Variants in NFIL3 observed in about 807,000 individuals in gnomAD.
NFIL3 encodes the protein nuclear factor, interleukin 3 regulated.
Under a neutral mutation model 10.0 loss-of-function variants are expected in NFIL3, and 5 were observed. The observed-to-expected ratio is 0.50, with a 90% CI of 0.26 to 1.06. NFIL3 has a LOEUF of 1.06. NFIL3 is among the 50% of genes least tolerant of loss of function. The pLI is 0.13. For missense variants in NFIL3, 436 were observed against 547.6 expected (o/e 0.80, Z 2.03); for synonymous variants, 202 against 206.5 (o/e 0.98, Z 0.19).
chr9:91,479,103 C>G, the NFIL3 span, among the ~76,000 whole-genome samples: 20 of 152,342 alleles, frequency 1.3e-4, no homozygotes, highest in East Asian at 2.3e-3. Flanking sequence ...ACGTGTCTCC[C>G]AGTTAGGAGG....
In NFIL3 at chr9:91,409,941, T is replaced by C. The variant is rs769543332; in HGVS notation, c.794A>G (p.Asn265Ser). 8 of 1,613,842 alleles carry C rather than the reference T, an allele frequency of 5.0e-6. No individual in the cohort carries two copies. Among genetic ancestry groups the C allele is most frequent in the African/African-American group, 1.3e-5 (1 of 75,010 alleles). Residue 265 changes from asparagine to serine, a missense_variant, in exon 2 of 2, where the codon AAC becomes AGC. This residue lies in a region of NFIL3 where 338 missense variants were observed against 399.9 expected (regional missense o/e 0.85). Transcript: ENST00000297689. ...TCTCGGGGAGTTGCTGGAGGATCGGTTGACTTGCAGTAGTGGGGGAGAGTG... is the reference window on the plus strand; with the variant it reads ...TCTCGGGGAGTTGCTGGAGGATCGGCTGACTTGCAGTAGTGGGGGAGAGTG... ...YSHSPPLLQV[N>S]RSSSNSPRTS...
the NFIL3 span, among the ~76,000 whole-genome samples, chr9:91,473,975 G>C: frequency 6.6e-6 from 1 of 152,056 alleles, no homozygotes; most frequent in Non-Finnish European, 1.5e-5. Context: ...AGTACTTCCA[G>C]AACAATGTTG....
chr9:91,467,617 A>G, the NFIL3 span, among the ~76,000 whole-genome samples: 1 of 152,106 alleles, frequency 6.6e-6, no homozygotes, highest in Non-Finnish European at 1.5e-5. Context: ...TACATGTGCC[A>G]TGTTGGTGTG....
chr9:91,476,579 A>G, the NFIL3 span, among the ~76,000 whole-genome samples: 19 of 152,310 alleles, frequency 1.2e-4, no homozygotes, highest in African/African-American at 3.9e-4. Context: ...TCTAAAAAAA[A>G]AAAAAACAAT....
At chr9:91,477,469 C>T in the NFIL3 span, among the ~76,000 whole-genome samples, 36 of 152,294 alleles carry the variant, frequency 2.4e-4, no homozygotes, top group Non-Finnish European at 4.4e-4. Context: ...TGCAAAATCC[C>T]TTCTGCAGTG....
upstream of NFIL3, among the ~76,000 whole-genome samples, chr9:91,425,969 A>G (rs1833869104): frequency 6.6e-6 from 1 of 152,058 alleles, no homozygotes; most frequent in South Asian, 2.1e-4. Flanking sequence ...ACGTGTTCTG[A>G]CCTTGTTCTG....
At chr9:91,443,780 A>C in the NFIL3 span, among the ~76,000 whole-genome samples, 1 of 152,102 alleles carries the variant, frequency 6.6e-6, no homozygotes, top group Non-Finnish European at 1.5e-5. Flanking sequence ...ACCAGCCCCC[A>C]CCAGCTCCAT....
At chr9:91,468,775 C>T in the NFIL3 span, among the ~76,000 whole-genome samples, 6 of 152,194 alleles carry the variant, frequency 3.9e-5, no homozygotes, top group South Asian at 2.1e-4. Context: ...GTTTTCCCAG[C>T]ACCATTTATT....
the NFIL3 span, among the ~76,000 whole-genome samples, chr9:91,457,564 A>G: frequency 6.6e-6 from 1 of 152,120 alleles, no homozygotes; most frequent in South Asian, 2.1e-4. Flanking sequence ...ATTATATTAT[A>G]TTAGTTCTGG....
chr9:91,440,255 A>T, the NFIL3 span, among the ~76,000 whole-genome samples: 1 of 152,072 alleles, frequency 6.6e-6, no homozygotes, highest in African/African-American at 2.4e-5. Flanking sequence ...TTACTTTTCT[A>T]GGAGTTAATC....
At chr9:91,460,417 G>A in the NFIL3 span, among the ~76,000 whole-genome samples, 1 of 151,570 alleles carries the variant, frequency 6.6e-6, no homozygotes, top group Non-Finnish European at 1.5e-5. Context: ...TGGGACTATA[G>A]GTGTGCACCA....
intron 1 of NFIL3, among the ~76,000 whole-genome samples, chr9:91,418,759 TAAC>T (rs1833704856): frequency 6.6e-6 from 1 of 152,114 alleles, no homozygotes; most frequent in South Asian, 2.1e-4. Flanking sequence ...CACAGATTAA[TAAC>T]AAATGGCATC....
the NFIL3 span, among the ~76,000 whole-genome samples, chr9:91,431,918 C>T: frequency 1.3e-5 from 2 of 152,240 alleles, no homozygotes; most frequent in Non-Finnish European, 2.9e-5. Context: ...CCAAGCCTCT[C>T]TTGCTTGCTA....
At position 91,410,668 on chromosome 9, in the gene NFIL3, C is replaced by A. The variant is rs774904912; in HGVS notation, c.67G>T (p.Asp23Tyr). Residue 23 changes from aspartate (D) to tyrosine (Y), a missense_variant, in exon 2 of 2, where the codon GAC becomes TAC. Around this residue, in one of 3 missense-constraint regions of NFIL3, gnomAD observed 76 missense variants for 73.0 expected, o/e 1.04. Transcript: ENST00000297689. This position sits in a 1 kb window ranked among gnomAD's most constrained non-coding sequence, Gnocchi z 5.7. Reference protein sequence around the residue: ...QASLDASSNVDKMMVLNSALT... With the variant: ...QASLDASSNVYKMMVLNSALT... ...GCAGAATTAAGGACCATCATCTTGTCCACATTGCTACTGGCATCAAGAGAC... is the reference window on the plus strand; with the variant it reads ...GCAGAATTAAGGACCATCATCTTGTACACATTGCTACTGGCATCAAGAGAC... The A allele has an allele frequency of 1.2e-6, 2 of 1,613,108 alleles. No homozygotes were observed. The highest frequency in any genetic ancestry group is 1.7e-5 in the Admixed American group (1 of 59,746).
chr9:91,457,284 C>T, the NFIL3 span, among the ~76,000 whole-genome samples: 4 of 151,900 alleles, frequency 2.6e-5, no homozygotes, highest in Non-Finnish European at 5.9e-5. Context: ...ATTGTGATCT[C>T]ATTGAATTTA....
the NFIL3 span, among the ~76,000 whole-genome samples, chr9:91,438,931 T>G: frequency 6.6e-6 from 1 of 152,188 alleles, no homozygotes; most frequent in African/African-American, 2.4e-5. Flanking sequence ...TATTATAGCT[T>G]TGCAATATAA....
At chr9:91,428,440 T>C (rs1474395470), upstream of NFIL3, among the ~76,000 whole-genome samples, 1 of 152,232 alleles carries the variant, frequency 6.6e-6, no homozygotes, top group Non-Finnish European at 1.5e-5. Context: ...CTCGGTCCCC[T>C]AACTTTGCCA....
the NFIL3 span, among the ~76,000 whole-genome samples, chr9:91,437,123 C>T: frequency 6.6e-6 from 1 of 152,190 alleles, no homozygotes; most frequent in South Asian, 2.1e-4. Flanking sequence ...GTAATGCTTG[C>T]TCGCCCACCG....
chr9:91,473,475 G>A, the NFIL3 span, among the ~76,000 whole-genome samples: 2 of 152,228 alleles, frequency 1.3e-5, no homozygotes, highest in East Asian at 3.9e-4. Context: ...TGCCGCACTA[G>A]CAGTGAGCAA....
Sources: gnomAD v4.1 joint callset for allele counts (sites outside exome capture counted in the v4.1 genomes callset) on GRCh38, gnomAD v4.1.1 for gene constraint, gnomAD v4.1.1 regional missense constraint, Gnocchi (gnomAD v3.1) non-coding constraint, MANE v1.5 for transcripts, NCBI Gene and HGNC (gene_info 2026-07-23, HGNC 2026-07-21) for gene names.